MBNL2: variants seen among roughly 807,000 people sequenced by gnomAD.
MBNL2 encodes muscleblind like splicing regulator 2.
Under a neutral mutation model 41.9 loss-of-function variants are expected in MBNL2, and 17 were observed. That is an observed-to-expected ratio of 0.41 (90% CI 0.28 to 0.61). The LOEUF is 0.61. Ranked by LOEUF, MBNL2 falls within the 20% of genes least tolerant of loss-of-function variation. MBNL2 has a pLI of 0.35. For synonymous variants in MBNL2, 195 were observed against 182.9 expected, an observed-to-expected ratio of 1.07 and a Z score of -0.53; for missense variants, 336 against 505.6, an observed-to-expected ratio of 0.66 and a Z score of 3.22.
intron 2 of MBNL2, among the ~76,000 whole-genome samples, chr13:97,298,064 C>A (rs754463917): frequency 2.6e-4 from 40 of 152,048 alleles, no homozygotes; most frequent in Non-Finnish European, 5.4e-4. Context: ...CTTTCTCGGA[C>A]CTCTTCAGTA....
chr13:97,258,735 ATGGGGCTGGATG>A (rs2048032888), intron 1 of MBNL2, among the ~76,000 whole-genome samples: 3 of 152,162 alleles, frequency 2.0e-5, no homozygotes, highest in African/African-American at 4.8e-5. Context: ...AAATAGTGGG[ATGGGGCTGGATG>A]TGGAAAGAGT....
the MBNL2 span, among the ~76,000 whole-genome samples, chr13:97,187,829 C>A: frequency 1.3e-5 from 2 of 151,594 alleles, no homozygotes; most frequent in African/African-American, 4.8e-5. Context: ...ATGGCGTGAA[C>A]CCCGGGACGG....
the MBNL2 span, among the ~76,000 whole-genome samples, chr13:97,196,967 G>A: frequency 2.6e-5 from 4 of 152,116 alleles, no homozygotes; most frequent in Admixed American, 6.6e-5. Context: ...ATAGACCAAG[G>A]GTCACCAATT....
At chr13:97,236,927 C>CT (rs368152051) in intron 1 of MBNL2, among the ~76,000 whole-genome samples, 257 of 150,418 alleles carry the variant, frequency 1.7e-3, no homozygotes, top group African/African-American at 2.7e-3. Context: ...GCTTAAGAGA[C>CT]TTTTTTTTTT....
chr13:97,142,947 C>T, the MBNL2 span, among the ~76,000 whole-genome samples: 4 of 152,164 alleles, frequency 2.6e-5, no homozygotes, highest in Non-Finnish European at 4.4e-5. Flanking sequence ...TGTCTTCAGT[C>T]TTTCCCATTT....
At chr13:97,245,932 C>CT (rs959343093) in intron 1 of MBNL2, among the ~76,000 whole-genome samples, 4 of 152,128 alleles carry the variant, frequency 2.6e-5, no homozygotes, top group African/African-American at 9.7e-5. Flanking sequence ...GAACTAGTGC[C>CT]TTTAAAGCAC....
chr13:97,315,895 G>C (rs757534255), intron 2 of MBNL2, among the ~76,000 whole-genome samples: 1 of 152,042 alleles, frequency 6.6e-6, no homozygotes, highest in Admixed American at 6.5e-5. Context: ...AGTTGGATGC[G>C]ATTCAGGAAA....
intron 1 of MBNL2, among the ~76,000 whole-genome samples, chr13:97,256,676 A>C (rs1198750876): frequency 6.6e-6 from 1 of 152,156 alleles, no homozygotes; most frequent in African/African-American, 2.4e-5. Flanking sequence ...AAGTCCTCCA[A>C]ATCTTCCATA....
chr13:97,323,091 T>G (rs1312068407), intron 2 of MBNL2, among the ~76,000 whole-genome samples: 1 of 152,176 alleles, frequency 6.6e-6, no homozygotes, highest in Non-Finnish European at 1.5e-5. Context: ...TCATTTCCAG[T>G]GTTTAAGTAA....
At chr13:97,308,319 T>C (rs896392264) in intron 2 of MBNL2, among the ~76,000 whole-genome samples, 5 of 152,228 alleles carry the variant, frequency 3.3e-5, no homozygotes, top group African/African-American at 1.2e-4. Context: ...CCAGCTGTCA[T>C]GTAAGGGTAA....
chr13:97,205,769 G>C, the MBNL2 span, among the ~76,000 whole-genome samples: 3 of 152,154 alleles, frequency 2.0e-5, no homozygotes. Context: ...GATTTACATA[G>C]CTGACCCAAA....
chr13:97,168,651 C>A, the MBNL2 span, among the ~76,000 whole-genome samples: 1 of 152,110 alleles, frequency 6.6e-6, no homozygotes, highest in African/African-American at 2.4e-5. Context: ...GCAATAGGCA[C>A]TTTATGTATT....
At chr13:97,340,637 C>A (rs1191417376) in intron 3 of MBNL2, among the ~76,000 whole-genome samples, 4 of 152,124 alleles carry the variant, frequency 2.6e-5, no homozygotes, top group Non-Finnish European at 5.9e-5. Flanking sequence ...AATTAAAGCC[C>A]AGGGAGGTTA....
At chr13:97,167,398 AAAAAG>A in the MBNL2 span, among the ~76,000 whole-genome samples, 7 of 152,106 alleles carry the variant, frequency 4.6e-5, no homozygotes, top group Non-Finnish European at 8.8e-5. Flanking sequence ...GTAAAAAAAA[AAAAAG>A]AAAAAAAGTG....
At chr13:97,338,383 A>G (rs2061074617) in intron 3 of MBNL2, among the ~76,000 whole-genome samples, 2 of 152,140 alleles carry the variant, frequency 1.3e-5, no homozygotes, top group Middle Eastern at 3.2e-3. Flanking sequence ...GCTTATCCAT[A>G]CAAATGAACT....
the MBNL2 span, among the ~76,000 whole-genome samples, chr13:97,158,597 C>T: frequency 6.6e-6 from 1 of 150,992 alleles, no homozygotes; most frequent in East Asian, 1.9e-4. Flanking sequence ...TATGTTGTGT[C>T]TTTGTTCTCA....
chr13:97,224,409 G>A (rs781448295), intron 1 of MBNL2, among the ~76,000 whole-genome samples: 2 of 152,088 alleles, frequency 1.3e-5, no homozygotes, highest in African/African-American at 2.4e-5. Context: ...CAGAGATCGG[G>A]GGAAGGGTAA....
At chr13:97,163,899 G>A in the MBNL2 span, among the ~76,000 whole-genome samples, 1 of 152,336 alleles carries the variant, frequency 6.6e-6, no homozygotes, top group South Asian at 2.1e-4. Context: ...GCATCTACAA[G>A]CCAAGCAATG....
At chr13:97,263,103 T>G (rs2048965842) in intron 1 of MBNL2, among the ~76,000 whole-genome samples, 1 of 151,978 alleles carries the variant, frequency 6.6e-6, no homozygotes, top group African/African-American at 2.4e-5. Flanking sequence ...TCCGTTTTGA[T>G]CCATCTATTT....
Sources: allele counts gnomAD v4.1 joint callset (sites outside exome capture counted in the v4.1 genomes callset), GRCh38; gene constraint gnomAD v4.1.1; transcripts MANE v1.5; gene names NCBI Gene and HGNC (gene_info 2026-07-23, HGNC 2026-07-21).